ARHGAP32: variants seen among roughly 807,000 people sequenced by gnomAD.
ARHGAP32 encodes rho GTPase-activating protein 32.
ARHGAP32 carries 51 observed loss-of-function variants against 186.5 expected under a neutral mutation model. The observed-to-expected ratio is 0.27, with a 90% CI of 0.22 to 0.35. The LOEUF (loss-of-function observed/expected upper bound fraction) is 0.35, where lower values mean the gene tolerates loss of function less well. ARHGAP32 is among the 10% of genes least tolerant of loss of function. The probability of loss-of-function intolerance (pLI) is 1.00; values close to 1 mark genes in which losing one functional copy is unlikely to be tolerated. For missense variants in ARHGAP32, 2,186 were observed against 2,623.5 expected (o/e 0.83, Z 3.64); for synonymous variants, 950 against 964.3 (o/e 0.99, Z 0.27).
intron 6 of ARHGAP32, among the ~76,000 whole-genome samples, chr11:129,078,579 G>A (rs1389423632): frequency 3.9e-5 from 6 of 152,078 alleles, no homozygotes; most frequent in South Asian, 2.1e-4. Context: ...TGCAACCTCC[G>A]CCTCCTGGGT....
At chr11:129,278,604 G>A (rs1945564878) in intron 1 of ARHGAP32, among the ~76,000 whole-genome samples, 1 of 152,162 alleles carries the variant, frequency 6.6e-6, no homozygotes, top group Non-Finnish European at 1.5e-5. Context: ...ATGCACCACC[G>A]TCGTCCAACA....
rs1211531760 is a variant in ARHGAP32 at position 128,969,990 on chromosome 11, G to T, written c.5223C>A (p.Val1741=). ...GYFSPNDHNV[V]SMPPAADVKH... The stretch of plus-strand genomic sequence containing the variant: ...TCACATCAGCAGCCGGAGGCATGCT[G>T]ACTACATTATGGTCGTTGGGAGAGA... The change falls in exon 23 of 23, where the codon GTC becomes GTA. Residue 1741 remains valine (V), a synonymous_variant. Transcript: ENST00000682385. This position sits in a 1 kb window ranked among gnomAD's most constrained non-coding sequence, Gnocchi z 4.8. 1 of 1,614,232 alleles carries T rather than the reference G, an allele frequency of 6.2e-7. No homozygotes were observed. The highest frequency in any genetic ancestry group is 8.5e-7 in the Non-Finnish European group (1 of 1,180,038).
At chr11:129,180,392 T>A (rs985266855) in intron 1 of ARHGAP32, among the ~76,000 whole-genome samples, 8 of 152,156 alleles carry the variant, frequency 5.3e-5, no homozygotes, top group African/African-American at 2.4e-5. Flanking sequence ...GTGCTAGAAA[T>A]AATCTATACC....
upstream of ARHGAP32, among the ~76,000 whole-genome samples, chr11:129,279,619 A>G (rs980097484): frequency 6.9e-6 from 1 of 144,240 alleles, no homozygotes; most frequent in African/African-American, 2.5e-5. Context: ...CGACGCCCGC[A>G]GCGGGGAGAA....
chr11:129,094,687 C>A (rs1318560547), intron 5 of ARHGAP32, among the ~76,000 whole-genome samples: 1 of 152,142 alleles, frequency 6.6e-6, no homozygotes, highest in Non-Finnish European at 1.5e-5. Context: ...TGTCATTCAT[C>A]ATGCTACTTG....
intron 2 of ARHGAP32, among the ~76,000 whole-genome samples, chr11:129,145,871 T>C (rs532700509): frequency 2.7e-3 from 406 of 152,216 alleles, no homozygotes; most frequent in African/African-American, 9.2e-3. Context: ...AGAGAAGTCA[T>C]AGAATCTTTA....
intron 5 of ARHGAP32, among the ~76,000 whole-genome samples, chr11:129,109,373 T>C (rs995082084): frequency 7.9e-5 from 12 of 152,134 alleles, no homozygotes; most frequent in African/African-American, 2.7e-4. Context: ...TAAATAGTGC[T>C]GCAATAAACA....
At chr11:129,140,051 A>G (rs1313381103) in intron 2 of ARHGAP32, among the ~76,000 whole-genome samples, 2 of 152,148 alleles carry the variant, frequency 1.3e-5, no homozygotes, top group African/African-American at 4.8e-5. Flanking sequence ...GATAGGCCTA[A>G]TCTAATCACA....
intron 5 of ARHGAP32, among the ~76,000 whole-genome samples, chr11:129,116,653 C>G (rs1278985210): frequency 6.6e-6 from 1 of 151,884 alleles, no homozygotes. Context: ...ATTTTTCAAA[C>G]TGCAAGTGTC....
Position 129,017,873 on chromosome 11 carries a change from T to C in ARHGAP32, c.1046-19405A>G, listed in dbSNP as rs1938425318. On this transcript the variant is annotated intron_variant, in intron 11 of 22. Coordinates refer to ENST00000682385, the MANE Select transcript of ARHGAP32 (RefSeq NM_001378024.1). ...ATATACAGAAATTACCTATCCCCAA[T>C]TGCTAAGATATATAAAAGGAACAAG... Among the ~76,000 whole-genome samples the C allele has an allele frequency of 2.0e-5, 3 of 152,276 alleles. No homozygotes were observed. The South Asian group carries it at 6.2e-4, about 32-fold the overall frequency.
At chr11:129,009,733 T>C (rs1169106997) in intron 11 of ARHGAP32, among the ~76,000 whole-genome samples, 1 of 152,206 alleles carries the variant, frequency 6.6e-6, no homozygotes, top group African/African-American at 2.4e-5. Context: ...ATCTAGTCTA[T>C]CACTGATGAG....
intron 10 of ARHGAP32, among the ~76,000 whole-genome samples, chr11:129,044,494 A>G (rs1408905372): frequency 1.3e-5 from 2 of 152,206 alleles, no homozygotes; most frequent in Non-Finnish European, 1.5e-5. Context: ...ATAATGGAAC[A>G]CTAAGCATAA....
rs141268032 is a variant in ARHGAP32 at position 128,970,175 on chromosome 11, C to A, written c.5038G>T (p.Ala1680Ser). 6.2e-7 allele frequency: 1 copy of A among 1,614,144 alleles called. No homozygotes were observed. Among genetic ancestry groups the A allele is most frequent in the Non-Finnish European group, 8.5e-7 (1 of 1,180,026 alleles). Residue 1680 changes from alanine (A) to serine (S), a missense_variant, in exon 23 of 23, where the codon GCC becomes TCC. Physicochemically the swap from Ala to Ser is moderately conservative, Grantham distance 99. Transcript: ENST00000682385. The surrounding 1 kb of genome is among the most constrained non-coding windows in gnomAD (Gnocchi z 5.8). ...SSSSYYSPDG[A>S]LCDVDAYGTV... is the part of the protein sequence containing the mutation. Reference sequence around the variant, plus strand: ...CCATAGGCATCCACATCACACAGGGCCCCATCTGGACTGTAATAGGAACTA... The same window carrying A: ...CCATAGGCATCCACATCACACAGGGACCCATCTGGACTGTAATAGGAACTA...
In ARHGAP32 at chr11:128,974,557, A is replaced by G. The variant is rs778390624; in HGVS notation, c.2640T>C (p.Phe880=). 7 of 1,614,070 alleles carry G rather than the reference A, an allele frequency of 4.3e-6. No homozygotes were observed. In the African/African-American group the frequency reaches 6.7e-5, roughly 15 times the overall value. The change falls in exon 21 of 23, where the codon TTT becomes TTC. Residue 880 remains phenylalanine, a synonymous_variant. Coordinates refer to ENST00000682385, the MANE Select transcript of ARHGAP32 (RefSeq NM_001378024.1). ...CTTCAGTTGGGCTCAAGTCCAGGGTAAAGAATGGACTCAGTTTCTCCTGAA... is the reference window on the plus strand; with the variant it reads ...CTTCAGTTGGGCTCAAGTCCAGGGTGAAGAATGGACTCAGTTTCTCCTGAA... The part of the protein sequence containing the change: ...SPLQEKLSPF[F]TLDLSPTEDK...
chr11:129,181,613 T>C (rs1944054996), intron 1 of ARHGAP32, among the ~76,000 whole-genome samples: 1 of 152,114 alleles, frequency 6.6e-6, no homozygotes, highest in African/African-American at 2.4e-5. Flanking sequence ...CTTACATAAA[T>C]CTAATATTCC....
chr11:129,186,447 T>C (rs1479871823), intron 1 of ARHGAP32, among the ~76,000 whole-genome samples: 2 of 152,192 alleles, frequency 1.3e-5, no homozygotes, highest in Non-Finnish European at 2.9e-5. Flanking sequence ...GTTCTGAGAT[T>C]AAGGGATGTT....
At chr11:129,222,797 T>C (rs1238461654) in intron 1 of ARHGAP32, among the ~76,000 whole-genome samples, 1 of 152,296 alleles carries the variant, frequency 6.6e-6, no homozygotes, top group Non-Finnish European at 1.5e-5. Flanking sequence ...AAACTTTTAA[T>C]GTAAAAAGAT....
intron 2 of ARHGAP32, among the ~76,000 whole-genome samples, chr11:129,144,108 A>G (rs1302133389): frequency 1.3e-5 from 2 of 152,244 alleles, no homozygotes; most frequent in South Asian, 4.1e-4. Context: ...ACTGAGTTAC[A>G]TGTGTGAATA....
chr11:129,140,607 C>T (rs1943030824), intron 2 of ARHGAP32, among the ~76,000 whole-genome samples: 1 of 152,152 alleles, frequency 6.6e-6, no homozygotes, highest in African/African-American at 2.4e-5. Context: ...ACTCCCAGGA[C>T]CCCATTGAAT....
Sources: allele counts gnomAD v4.1 joint callset (sites outside exome capture counted in the v4.1 genomes callset), GRCh38; gene constraint gnomAD v4.1.1; non-coding constraint Gnocchi (gnomAD v3.1); transcripts MANE v1.5; gene names NCBI Gene and HGNC (gene_info 2026-07-23, HGNC 2026-07-21).